Variants in APBB3 observed in about 807,000 individuals in gnomAD.
APBB3 encodes amyloid beta precursor protein binding family B member 3.
A neutral mutation model predicts 61.5 loss-of-function variants in APBB3; 50 were observed. The ratio of observed to expected loss-of-function variants is 0.81; its 90% CI spans 0.65 to 1.03. The LOEUF (loss-of-function observed/expected upper bound fraction) is 1.03, where lower values mean the gene tolerates loss of function less well. APBB3 is among the 50% of genes least tolerant of loss of function. The pLI, the probability that APBB3 is intolerant of heterozygous loss-of-function variation, is 0.00. For synonymous variants in APBB3, 235 were observed against 233.0 expected (o/e 1.01, Z -0.08); for missense variants, 550 against 637.4 (o/e 0.86, Z 1.48).
rs530585227 is a variant in APBB3 at position 140,560,032 on chromosome 5, A to C, written c.1224+281T>G. Among the ~76,000 whole-genome samples the C allele has an allele frequency of 6.6e-6, 1 of 152,380 alleles. No homozygotes were observed. Among genetic ancestry groups the C allele is most frequent in the South Asian group, 2.1e-4 (1 of 4,832 alleles). Reference sequence around the variant, plus strand: ...ACTCTTTAGGGCACAGCTTCTGCACAACTCTGGCTGCATGCTGACACTTAC... The same window carrying C: ...ACTCTTTAGGGCACAGCTTCTGCACCACTCTGGCTGCATGCTGACACTTAC... On this transcript the variant is annotated intron_variant, in intron 12 of 12. Transcript: ENST00000357560. The surrounding 1 kb of genome is among the most constrained non-coding windows in gnomAD (Gnocchi z 5.1).
Position 140,562,861 on chromosome 5 carries a change from A to G in APBB3, c.291-138T>C, listed in dbSNP as rs1379960187. 3.9e-6 allele frequency: 3 copies of G among 763,958 alleles called. No individual in the cohort carries two copies. The African/African-American group carries it at 5.2e-5, about 13-fold the overall frequency. 47.3% of individuals were successfully genotyped at this position (763,958 alleles called of 1,614,324 possible). A position where few individuals can be genotyped will look rare whatever the true frequency, so the allele number is the denominator to read the frequency against. ...CAGAAATATAAAACCAGAGCAGGGT[A>G]GAGCCCAGGACATATTAACGTAACA... On this transcript the variant is annotated intron_variant, in intron 3 of 12. Transcript: ENST00000357560.
Position 140,562,714 on chromosome 5 carries a change from C to T in APBB3, c.300G>A (p.Leu100=). 1 of 1,614,128 alleles carries T rather than the reference C, an allele frequency of 6.2e-7. No homozygotes were observed. The highest frequency in any genetic ancestry group is 8.5e-7 in the Non-Finnish European group (1 of 1,179,968). The change falls in exon 4 of 13, where the codon CTG becomes CTA. Residue 100 remains leucine, a synonymous_variant. Transcript: ENST00000357560. ...TGTAGGATTCCCCACCATACCAGGA[C>T]AGAGAGTTACTGAAACAGAGCAGAG... ...LESSLDRSNS[L]SWYGGESYIQ... is the part of the protein sequence containing the mutation.
At position 140,564,370 on chromosome 5, in the gene APBB3, A is replaced by AG; in HGVS notation, c.-126_-125insC. On this transcript the variant is annotated 5_prime_UTR_variant, in exon 1 of 13. Transcript: ENST00000357560. This position sits in a 1 kb window ranked among gnomAD's most constrained non-coding sequence, Gnocchi z 5.0. ...AGGCTGCGGGGCCAGCTGGCGCCGC[A>AG]CAAATACGGGGCGGGACACGGGGCG... The AG allele has an allele frequency of 8.2e-7, 1 of 1,221,868 alleles. No individual in the cohort carries two copies. The highest frequency in any genetic ancestry group is 1.2e-6 in the Non-Finnish European group (1 of 867,390). The allele number at this position is 1,221,868 out of a possible 1,614,324, so 75.7% of individuals were successfully genotyped here. A position where few individuals can be genotyped will look rare whatever the true frequency, so the allele number is the denominator to read the frequency against.
chr5:140,560,727 C>T lies in APBB3; in HGVS notation c.944G>A (p.Gly315Asp). Reference protein sequence around the residue: ...MGMDVLNEAIGTLTARGDRNA... With the variant: ...MGMDVLNEAIDTLTARGDRNA... ...CCGGTCCCCCCTGGCGGTGAGGGTA[C>T]CAATGGCCTCGTTCAGCACATCCAT... The change falls in exon 11 of 13, where the codon GGT becomes GAT. Residue 315 changes from glycine (G) to aspartate (D), a missense_variant. Coordinates refer to ENST00000357560, the MANE Select transcript of APBB3 (RefSeq NM_133173.3). The surrounding 1 kb of genome is among the most constrained non-coding windows in gnomAD (Gnocchi z 5.1). 6.2e-7 allele frequency: 1 copy of T among 1,614,142 alleles called. No homozygotes were observed.
Position 140,558,440 on chromosome 5 carries a change from T to G in APBB3, c.*145A>C, listed in dbSNP as rs1002250498. On this transcript the variant is annotated 3_prime_UTR_variant, in exon 13 of 13. Transcript: ENST00000357560. Reference sequence around the variant, plus strand: ...CCAGTCATCCGTATAAACAATAAATTGGGCAATAAATAGACGGTGGACAAG... The same window carrying G: ...CCAGTCATCCGTATAAACAATAAATGGGGCAATAAATAGACGGTGGACAAG... 10 of 863,100 alleles carry G rather than the reference T, an allele frequency of 1.2e-5. No homozygotes were observed. In the African/African-American group the frequency reaches 1.7e-4, roughly 15 times the overall value. The allele number at this position is 863,100 out of a possible 1,614,324, so 53.5% of individuals were successfully genotyped here. A position where few individuals can be genotyped will look rare whatever the true frequency, so the allele number is the denominator to read the frequency against.
chr5:140,559,702 G>A lies in APBB3; in HGVS notation c.1224+611C>T, dbSNP rs146223330. On this transcript the variant is annotated intron_variant, in intron 12 of 12. Transcript: ENST00000357560. ...TGGCTAACTTCCCTCTTGGACTGTC[G>A]GATTTCTATCACCTCTTACAGGTAG... 1.9e-3 allele frequency among the ~76,000 whole-genome samples: 284 copies of A among 152,266 alleles called. 1 individual carries two copies. Among genetic ancestry groups the A allele is most frequent in the Non-Finnish European group, 3.6e-3 (244 of 68,024 alleles).
Position 140,564,317 on chromosome 5 carries a change from G to A in APBB3, c.-72C>T. On this transcript the variant is annotated 5_prime_UTR_variant, in exon 1 of 13. Coordinates refer to ENST00000357560, the MANE Select transcript of APBB3 (RefSeq NM_133173.3). This position sits in a 1 kb window ranked among gnomAD's most constrained non-coding sequence, Gnocchi z 5.0. ...CCAGCGCGACCTCTGGAGCTACTGC[G>A]CCTGCAAGCCCAGCCTCTCTGCGCC... The A allele has an allele frequency of 1.0e-5, 16 of 1,564,994 alleles. No individual in the cohort carries two copies. The highest frequency in any genetic ancestry group is 1.4e-5 in the Non-Finnish European group (16 of 1,153,184).
At chr5:140,561,315 G>A in intron 9 of APBB3, 50 bp downstream of exon 9, 1 of 1,597,634 alleles carries the variant, frequency 6.3e-7, no homozygotes, top group Non-Finnish European at 8.6e-7. Context: ...CCCCCACAAA[G>A]CAGCACCAAA....
rs1023479080 is a variant in APBB3, at chr5:140,560,763, A to C, written c.917-9T>G. 24 of 1,611,122 alleles carry C rather than the reference A, an allele frequency of 1.5e-5. No individual in the cohort carries two copies. The highest frequency in any genetic ancestry group is 2.0e-5 in the Non-Finnish European group (24 of 1,177,372). On this transcript the variant is annotated splice_polypyrimidine_tract_variant and intron_variant, in intron 10 of 12. Coordinates refer to ENST00000357560, the MANE Select transcript of APBB3 (RefSeq NM_133173.3). This position sits in a 1 kb window ranked among gnomAD's most constrained non-coding sequence, Gnocchi z 5.1. ...GTTCAGCACATCCATGCCTGGGGGA[A>C]CATACCCAGCGTGTCTCCCAGTGTA...
Position 140,560,874 on chromosome 5 carries a change from T to C in APBB3, c.917-120A>G, listed in dbSNP as rs1754921477. On this transcript the variant is annotated intron_variant, in intron 10 of 12. Coordinates refer to ENST00000357560, the MANE Select transcript of APBB3 (RefSeq NM_133173.3). This position sits in a 1 kb window ranked among gnomAD's most constrained non-coding sequence, Gnocchi z 5.1. Reference sequence around the variant, plus strand: ...GGAATAGGATAGCTGGGGCAAGCCTTAGAATTCTGATTTGGGAAGGCTGGT... The same window carrying C: ...GGAATAGGATAGCTGGGGCAAGCCTCAGAATTCTGATTTGGGAAGGCTGGT... 5.1e-6 allele frequency: 7 copies of C among 1,382,804 alleles called. No homozygotes were observed. The East Asian group carries it at 1.4e-4, about 27-fold the overall frequency. The allele number at this position is 1,382,804 out of a possible 1,614,324, so 85.7% of individuals were successfully genotyped here.
At chr5:140,561,799 T>C (rs950937591) in intron 7 of APBB3, 45 bp downstream of exon 7, 18 of 1,613,266 alleles carry the variant, frequency 1.1e-5, no homozygotes, top group Non-Finnish European at 1.5e-5. Flanking sequence ...AGGGATGGAG[T>C]AGGGACATCA....
intron 12 of APBB3, among the ~76,000 whole-genome samples, chr5:140,559,288 G>A (rs1200379041): frequency 6.6e-6 from 1 of 152,184 alleles, no homozygotes; most frequent in East Asian, 1.9e-4. Context: ...CAAGGGTAAA[G>A]GTGTACAACT....
Position 140,563,780 on chromosome 5 carries a change from T to A in APBB3, c.185A>T (p.Glu62Val). The A allele has an allele frequency of 1.2e-6, 2 of 1,614,114 alleles. No homozygotes were observed. The highest frequency in any genetic ancestry group is 8.5e-7 in the Non-Finnish European group (1 of 1,180,000). ...GSTQWQRPTWELGDAEDPGTG... is the reference protein window; with the variant it reads ...GSTQWQRPTWVLGDAEDPGTG... The stretch of plus-strand genomic sequence containing the variant: ...GCCTGGGTCCTCTGCATCTCCTAGT[T>A]CCCAGGTTGGGCGCTGCCACTGGGT... Residue 62 changes from glutamate (E) to valine (V), a missense_variant, in exon 2 of 13, where the codon GAA becomes GTA. Around this residue, in one of 3 missense-constraint regions of APBB3, gnomAD observed 405 missense variants for 483.4 expected, o/e 0.84. Coordinates refer to ENST00000357560, the MANE Select transcript of APBB3 (RefSeq NM_133173.3).
Position 140,560,302 on chromosome 5 carries a change from C to A in APBB3, c.1224+11G>T, listed in dbSNP as rs182482720. On this transcript the variant is annotated intron_variant, in intron 12 of 12. Transcript: ENST00000357560. The surrounding 1 kb of genome is among the most constrained non-coding windows in gnomAD (Gnocchi z 5.1). Reference sequence around the variant, plus strand: ...GGCAATCCCACCAACCCATTCCCACCCATGACTCACCATACAGGCAGCCTG... The same window carrying A: ...GGCAATCCCACCAACCCATTCCCACACATGACTCACCATACAGGCAGCCTG... 4 of 1,611,398 alleles carry A rather than the reference C, an allele frequency of 2.5e-6. No homozygotes were observed. In the African/African-American group the frequency reaches 4.0e-5, roughly 16 times the overall value.
Position 140,563,632 on chromosome 5 carries a change from C to T in APBB3, c.252G>A (p.Gly84=). 3 of 1,614,226 alleles carry T rather than the reference C, an allele frequency of 1.9e-6. No homozygotes were observed. Among genetic ancestry groups the T allele is most frequent in the South Asian group, 1.1e-5 (1 of 91,084 alleles). Residue 84 remains glycine, a synonymous_variant, in exon 3 of 13, where the codon GGG becomes GGA. Transcript: ENST00000357560. ...EGIWGLRPPK[G]RSFSSLESSL... ...AACTCTCCAGGCTGGAGAAGGATCT[C>T]CCTTTGGGGGGCCGCAGTCCCCAGA...
chr5:140,561,200 A>G (rs1754939813), intron 9 of APBB3, 99 bp from the exon 10 acceptor site: 1 of 1,494,028 alleles, frequency 6.7e-7, no homozygotes, highest in African/African-American at 1.4e-5. Flanking sequence ...TGGTGCTGGT[A>G]GAAGAAATGG....
Position 140,561,700 on chromosome 5 carries a change from C to T in APBB3, c.634G>A (p.Asp212Asn). 1 of 1,614,164 alleles carries T rather than the reference C, an allele frequency of 6.2e-7. No homozygotes were observed. ...GVGSSKGRDR[D>N]FAFVASDKDS... is the part of the protein sequence containing the mutation. ...TTGTCACTTGCCACAAAAGCGAAGTCCCTAGCAGGGGCAGAGATGGGGCTG... is the reference window on the plus strand; with the variant it reads ...TTGTCACTTGCCACAAAAGCGAAGTTCCTAGCAGGGGCAGAGATGGGGCTG... Residue 212 changes from aspartate to asparagine, a missense_variant and splice_region_variant, in exon 8 of 13, where the codon GAC (aspartate) becomes AAC (asparagine). Physicochemically the swap from Asp to Asn is conservative, Grantham distance 23. Transcript: ENST00000357560.
Position 140,558,575 on chromosome 5 carries a change from C to G in APBB3, c.*10G>C, listed in dbSNP as rs1234315249. ...CCCAGAGCCTACTTCCCCAGCCTTCCCAGATAAGTTTAGGGCATATGGAGC... is the reference window on the plus strand; with the variant it reads ...CCCAGAGCCTACTTCCCCAGCCTTCGCAGATAAGTTTAGGGCATATGGAGC... On this transcript the variant is annotated 3_prime_UTR_variant, in exon 13 of 13. Transcript: ENST00000357560. 3 of 1,613,572 alleles carry G rather than the reference C, an allele frequency of 1.9e-6. No individual in the cohort carries two copies. The African/African-American group carries it at 4.0e-5, about 22-fold the overall frequency.
chr5:140,560,271 C>G lies in APBB3; in HGVS notation c.1224+42G>C, dbSNP rs1754885129. ...AGCCCAAGTAAACAGTGGAGAGCAGCTGCAGGGCAATCCCACCAACCCATT... is the reference window on the plus strand; with the variant it reads ...AGCCCAAGTAAACAGTGGAGAGCAGGTGCAGGGCAATCCCACCAACCCATT... On this transcript the variant is annotated intron_variant, in intron 12 of 12. Transcript: ENST00000357560. The surrounding 1 kb of genome is among the most constrained non-coding windows in gnomAD (Gnocchi z 5.1). 6.3e-7 allele frequency: 1 copy of G among 1,593,166 alleles called. No homozygotes were observed.
Sources: gnomAD v4.1 joint callset for allele counts (sites outside exome capture counted in the v4.1 genomes callset) on GRCh38, gnomAD v4.1.1 for gene constraint, gnomAD v4.1.1 regional missense constraint, Gnocchi (gnomAD v3.1) non-coding constraint, MANE v1.5 for transcripts, NCBI Gene and HGNC (gene_info 2026-07-23, HGNC 2026-07-21) for gene names.